NGEF: variants seen among roughly 807,000 people sequenced by gnomAD.
NGEF encodes ephexin-1.
In NGEF, 31 loss-of-function variants were observed where a neutral mutation model predicts 80.9. That is an observed-to-expected ratio of 0.38 (90% CI 0.29 to 0.52). The LOEUF is 0.52. Among genes scored for constraint, NGEF ranks in the 20% least tolerant of loss-of-function variants. NGEF has a pLI of 0.84. For synonymous variants in NGEF, 371 were observed against 370.2 expected, an observed-to-expected ratio of 1.00 and a Z score of -0.03; for missense variants, 709 against 926.2, an observed-to-expected ratio of 0.77 and a Z score of 3.04.
chr2:232,927,857 C>T, intron 3 of NGEF: 15 of 1,238,230 alleles, frequency 1.2e-5, no homozygotes, highest in East Asian at 3.3e-5. Context: ...CACGCGGGGG[C>T]GGCGCGCCGG....
intron 5 of NGEF, among the ~76,000 whole-genome samples, chr2:232,899,397 G>T (rs1369840249): frequency 6.6e-6 from 1 of 152,162 alleles, no homozygotes; most frequent in African/African-American, 2.4e-5. Context: ...GCTTTCCTAA[G>T]CCCATTCCTG....
chr2:232,962,374 T>TA (rs920508059), intron 3 of NGEF, among the ~76,000 whole-genome samples: 2 of 152,000 alleles, frequency 1.3e-5, no homozygotes, highest in African/African-American at 4.8e-5. Flanking sequence ...CTGTCTCTAC[T>TA]AAAAATACAA....
chr2:232,920,185 C>T, intron 5 of NGEF, 99 bp downstream of exon 5: 1 of 1,181,524 alleles, frequency 8.5e-7, no homozygotes, highest in Non-Finnish European at 1.2e-6. Context: ...TCTGGTGAAC[C>T]AGCCAGGGAA....
chr2:232,903,236 T>C (rs995925560), intron 5 of NGEF, among the ~76,000 whole-genome samples: 1 of 152,190 alleles, frequency 6.6e-6, no homozygotes, highest in Non-Finnish European at 1.5e-5. Context: ...TCCATGAGTA[T>C]AAATAATGCT....
intron 3 of NGEF, among the ~76,000 whole-genome samples, chr2:232,939,747 C>T (rs1246395846): frequency 6.6e-6 from 1 of 152,106 alleles, no homozygotes; most frequent in Non-Finnish European, 1.5e-5. Context: ...CCTGTAATCC[C>T]AGCACTTTGG....
intron 6 of NGEF, among the ~76,000 whole-genome samples, 165 bp from the exon 7 acceptor site, chr2:232,893,215 G>A (rs1691940238): frequency 6.6e-6 from 1 of 152,208 alleles, no homozygotes; most frequent in East Asian, 1.9e-4. Context: ...AGCACTGGTG[G>A]TGTATTTGGT....
chr2:232,928,129 C>T, intron 3 of NGEF: 1 of 999,592 alleles, frequency 1.0e-6, no homozygotes, highest in Non-Finnish European at 1.2e-6. Context: ...GCTGCAGCCG[C>T]CGCCGCCACC....
At chr2:232,915,981 G>A (rs1472282308) in intron 5 of NGEF, among the ~76,000 whole-genome samples, 1 of 152,194 alleles carries the variant, frequency 6.6e-6, no homozygotes, top group East Asian at 1.9e-4. Context: ...AAGAGCCTCT[G>A]TGCCCTGCCT....
chr2:232,966,616 C>CT (rs2106317921), intron 3 of NGEF, among the ~76,000 whole-genome samples: 1 of 53,764 alleles, frequency 1.9e-5, no homozygotes, highest in Non-Finnish European at 3.4e-5. Flanking sequence ...ACCCTGACAA[C>CT]TCCCCCAAAC....
intron 1 of NGEF, among the ~76,000 whole-genome samples, chr2:232,977,371 G>A (rs1000249004): frequency 1.4e-4 from 22 of 152,280 alleles, no homozygotes; most frequent in Admixed American, 9.1e-4. Context: ...AGTGTAAGGC[G>A]GAGACCATGA....
chr2:232,972,150 C>T (rs1178702013), intron 2 of NGEF, among the ~76,000 whole-genome samples: 2 of 152,088 alleles, frequency 1.3e-5, no homozygotes, highest in Non-Finnish European at 2.9e-5. Flanking sequence ...GTATGTAAAT[C>T]CACTTTTCTG....
At chr2:232,896,668 G>GA (rs1692079809) in intron 5 of NGEF, among the ~76,000 whole-genome samples, 1 of 21,474 alleles carries the variant, frequency 4.7e-5, no homozygotes, top group African/African-American at 2.6e-4. Context: ...GGGGGTAGGG[G>GA]TGGGGGTGGG....
At chr2:232,929,600 C>T (rs777783558) in intron 3 of NGEF, among the ~76,000 whole-genome samples, 9 of 152,202 alleles carry the variant, frequency 5.9e-5, no homozygotes, top group Non-Finnish European at 1.2e-4. Flanking sequence ...AGACAACCAT[C>T]TGGTCTTTTC....
At chr2:232,970,801 A>AG (rs59420907) in intron 2 of NGEF, among the ~76,000 whole-genome samples, 1 of 151,954 alleles carries the variant, frequency 6.6e-6, no homozygotes, top group Non-Finnish European at 1.5e-5. Context: ...GGTGAAAAAA[A>AG]AAAAAGAAAA....
At chr2:232,942,867 G>A (rs185480615) in intron 3 of NGEF, among the ~76,000 whole-genome samples, 4 of 147,390 alleles carry the variant, frequency 2.7e-5, no homozygotes, top group East Asian at 3.9e-4. Flanking sequence ...ATTATTTTCC[G>A]GGGGGGAGTC....
chr2:232,921,355 T>TC (rs1692939250), intron 4 of NGEF, among the ~76,000 whole-genome samples: 1 of 151,912 alleles, frequency 6.6e-6, no homozygotes, highest in African/African-American at 2.4e-5. Flanking sequence ...AGGAAAGGGG[T>TC]CAGACCCCAG....
At chr2:232,891,325 C>A (rs751073028) in intron 8 of NGEF, 33 bp downstream of exon 8, 1 of 1,610,892 alleles carries the variant, frequency 6.2e-7, no homozygotes. Context: ...GCCTGGGAAG[C>A]CCCGTCTGTG....
At chr2:232,884,506 T>TGTGCCTGTGAGTGTGGC (rs971697444) in intron 10 of NGEF, among the ~76,000 whole-genome samples, 3 of 152,298 alleles carry the variant, frequency 2.0e-5, no homozygotes, top group Non-Finnish European at 4.4e-5. Context: ...ATACCGTGTG[T>TGTGCCTGTGAGTGTGGC]GTGCCTGTGA....
At chr2:233,005,746 T>G (rs1262700133) in intron 1 of NGEF, among the ~76,000 whole-genome samples, 1 of 152,198 alleles carries the variant, frequency 6.6e-6, no homozygotes, top group Non-Finnish European at 1.5e-5. Context: ...GCAGCATGGA[T>G]TTAGCCCAGT....
Sources: gnomAD v4.1 joint callset for allele counts (sites outside exome capture counted in the v4.1 genomes callset) on GRCh38, gnomAD v4.1.1 for gene constraint, MANE v1.5 for transcripts, NCBI Gene and HGNC (gene_info 2026-07-23, HGNC 2026-07-21) for gene names.